Variants in ECT2 observed in about 807,000 individuals in gnomAD.
ECT2 encodes the protein epithelial cell transforming 2, also known as protein ECT2.
A neutral mutation model predicts 116.9 loss-of-function variants in ECT2; 61 were observed. The observed-to-expected ratio is 0.52, with a 90% CI of 0.42 to 0.65. The LOEUF (loss-of-function observed/expected upper bound fraction) is 0.65. Ranked by LOEUF, ECT2 falls within the 30% of genes least tolerant of loss-of-function variation. ECT2 has a pLI of 0.00. For synonymous variants in ECT2, 358 were observed against 346.4 expected, an observed-to-expected ratio of 1.03 and a Z score of -0.37; for missense variants, 937 against 1,078.7, an observed-to-expected ratio of 0.87 and a Z score of 1.84.
chr3:172,810,600 T>C (rs527998843), intron 22 of ECT2, among the ~76,000 whole-genome samples: 108 of 152,206 alleles, frequency 7.1e-4, no homozygotes, highest in African/African-American at 1.6e-3. Context: ...CTCTAAGTTA[T>C]AGAGTTTGAG....
chr3:172,786,482 T>G lies in ECT2; in HGVS notation c.1826-11T>G. On this transcript the variant is annotated splice_polypyrimidine_tract_variant and intron_variant, in intron 17 of 24. Coordinates refer to ENST00000392692, the MANE Select transcript of ECT2 (RefSeq NM_001258315.2). ...TTTTTTATGCATGGAAAAAACATTG[T>G]ATTATTACAGATCTTAAGAAGCATA... 6 of 1,583,252 alleles carry G rather than the reference T, an allele frequency of 3.8e-6. No homozygotes were observed. The highest frequency in any genetic ancestry group is 5.2e-6 in the Non-Finnish European group (6 of 1,157,070).
At chr3:172,777,199 T>A (rs1721893902) in intron 14 of ECT2, among the ~76,000 whole-genome samples, 2 of 152,166 alleles carry the variant, frequency 1.3e-5, no homozygotes, top group South Asian at 4.1e-4. Flanking sequence ...TGAAGTCAGG[T>A]GACTTTAAGT....
At chr3:172,782,110 G>A (rs1357671472) in intron 14 of ECT2, 53 bp from the exon 15 acceptor site, 11 of 1,082,976 alleles carry the variant, frequency 1.0e-5, no homozygotes, top group Admixed American at 9.5e-5. Context: ...AATAAAAGTT[G>A]TATAAGGAGC....
Position 172,757,015 on chromosome 3 carries a change from A to C in ECT2, c.336A>C (p.Ser112=). The change falls in exon 5 of 25, where the codon TCA becomes TCC. Residue 112 remains serine, a synonymous_variant. Coordinates refer to ENST00000392692, the MANE Select transcript of ECT2 (RefSeq NM_001258315.2). ...DIKVGFVKME[S]VEEFEGLDSP... The stretch of plus-strand genomic sequence containing the variant: ...AAGTGGGCTTTGTAAAGATGGAGTC[A>C]GTGGAAGAATTTGAAGGTTTGGATT... 6.2e-7 allele frequency: 1 copy of C among 1,608,342 alleles called. No homozygotes were observed.
chr3:172,789,592 T>C (rs1343442917), intron 18 of ECT2, among the ~76,000 whole-genome samples: 1 of 152,232 alleles, frequency 6.6e-6, no homozygotes, highest in East Asian at 1.9e-4. Flanking sequence ...CATGCGATGC[T>C]GTTGGATAGA....
the ECT2 span, chr3:172,829,197 C>A: frequency 2.5e-6 from 1 of 394,656 alleles, no homozygotes; most frequent in East Asian, 5.1e-5. Context: ...AGCTTTAGCC[C>A]TTGGTCTCGG....
chr3:172,766,840 G>A (rs1719487968), intron 12 of ECT2, among the ~76,000 whole-genome samples: 1 of 152,196 alleles, frequency 6.6e-6, no homozygotes, highest in South Asian at 2.1e-4. Flanking sequence ...ATGGACAATA[G>A]CATGGGATGG....
At position 172,808,947 on chromosome 3, in the gene ECT2, A is replaced by T. The variant is rs556851275; in HGVS notation, c.2400+1023A>T. On this transcript the variant is annotated intron_variant, in intron 22 of 24. Transcript: ENST00000392692. ...ATGGACCAATAATATGTTCTTATAA[A>T]TAAAAAATTGTTGCACAAAAGATTC... 2.6e-5 allele frequency among the ~76,000 whole-genome samples: 4 copies of T among 152,264 alleles called. No homozygotes were observed. In the South Asian group the frequency reaches 6.2e-4, roughly 24 times the overall value.
At chr3:172,815,754 T>C (rs748830967) in intron 23 of ECT2, 43 bp downstream of exon 23, 1 of 1,209,456 alleles carries the variant, frequency 8.3e-7, no homozygotes, top group South Asian at 1.3e-5. Flanking sequence ...CTCTAACATA[T>C]TTTCCAGACT....
At chr3:172,826,147 G>A (rs1407802587), downstream of ECT2, among the ~76,000 whole-genome samples, 7 of 152,176 alleles carry the variant, frequency 4.6e-5, no homozygotes, top group African/African-American at 9.6e-5. Context: ...CGCCCACCTC[G>A]GCCTCCCAAA....
intron 20 of ECT2, among the ~76,000 whole-genome samples, chr3:172,803,418 C>T (rs1727087571): frequency 6.6e-6 from 1 of 152,006 alleles, no homozygotes; most frequent in African/African-American, 2.4e-5. Context: ...TTCCTTGATT[C>T]TTCTTAAATC....
intron 15 of ECT2, among the ~76,000 whole-genome samples, chr3:172,782,908 T>G (rs1037124834): frequency 6.6e-6 from 1 of 152,138 alleles, no homozygotes. Flanking sequence ...CATTCCATAG[T>G]GTATATGTAC....
chr3:172,802,094 GTTTTGTTTTTGTTTTTGT>G (rs370602646), intron 18 of ECT2, among the ~76,000 whole-genome samples: 1 of 151,474 alleles, frequency 6.6e-6, no homozygotes, highest in Non-Finnish European at 1.5e-5. Context: ...GTCTATGGAT[GTTTTGTTTTTGTTTTTGT>G]TTTTGTTTTT....
chr3:172,794,194 T>C (rs1226313032), intron 18 of ECT2, among the ~76,000 whole-genome samples: 3 of 152,252 alleles, frequency 2.0e-5, no homozygotes, highest in Admixed American at 6.5e-5. Flanking sequence ...AGGATTTTTT[T>C]CTTATTTTCT....
intron 20 of ECT2, 95 bp downstream of exon 20, chr3:172,803,075 A>G: frequency 8.7e-7 from 1 of 1,149,014 alleles, no homozygotes; most frequent in South Asian, 2.2e-5. Flanking sequence ...GTAATGTAGA[A>G]TTTTAAATAA....
chr3:172,828,806 A>G, the ECT2 span: 3 of 727,334 alleles, frequency 4.1e-6, no homozygotes, highest in Non-Finnish European at 2.4e-6. Flanking sequence ...GCCAACGCCC[A>G]GAATGGCATA....
intron 1 of ECT2, among the ~76,000 whole-genome samples, chr3:172,753,321 G>T (rs1716306995): frequency 6.6e-6 from 1 of 152,092 alleles, no homozygotes; most frequent in Non-Finnish European, 1.5e-5. Flanking sequence ...TGGTGTTGAA[G>T]TCCTGCCCTC....
In ECT2 at chr3:172,807,806, C is replaced by T. The variant is rs1430554841; in HGVS notation, c.2282C>T (p.Pro761Leu). 1.9e-6 allele frequency: 3 copies of T among 1,613,566 alleles called. No homozygotes were observed. ...GCTTTTGCCTTGCTTGTGAGGCCAC[C>T]AACAGAGCAGGCAAATGTGCTACTC... ...HNAFALLVRP[P>L]TEQANVLLSF... The change falls in exon 22 of 25, where the codon CCA (proline) becomes CTA (leucine). Residue 761 changes from proline (P) to leucine (L), a missense_variant. Coordinates refer to ENST00000392692, the MANE Select transcript of ECT2 (RefSeq NM_001258315.2).
chr3:172,800,354 C>T (rs1248537254), intron 18 of ECT2, among the ~76,000 whole-genome samples: 1 of 152,146 alleles, frequency 6.6e-6, no homozygotes, highest in Non-Finnish European at 1.5e-5. Context: ...TTTTACTCAC[C>T]ACTATCACTC....
Sources: gnomAD v4.1 joint callset for allele counts (sites outside exome capture counted in the v4.1 genomes callset) on GRCh38, gnomAD v4.1.1 for gene constraint, MANE v1.5 for transcripts, NCBI Gene and HGNC (gene_info 2026-07-23, HGNC 2026-07-21) for gene names.